The following KCNJ12 variants were observed in gnomAD, a reference collection of about 807,000 sequenced individuals.
KCNJ12 encodes ATP-sensitive inward rectifier potassium channel 12.
Under a neutral mutation model 22.3 loss-of-function variants are expected in KCNJ12, and 2 were observed. The observed-to-expected ratio is 0.09, with a 90% confidence interval of 0.04 to 0.28. KCNJ12 has a LOEUF of 0.28. KCNJ12 is among the 10% of genes least tolerant of loss of function. KCNJ12 has a pLI of 1.00. For synonymous variants in KCNJ12, 117 were observed against 261.4 expected (o/e 0.45, Z 5.33); for missense variants, 155 against 633.3 (o/e 0.24, Z 8.11).
At position 21,394,894 on chromosome 17, in the gene KCNJ12, G is replaced by C. The variant is rs550424907; in HGVS notation, c.-178-13625G>C. 9.8e-5 allele frequency among the ~76,000 whole-genome samples: 15 copies of C among 152,290 alleles called. No individual in the cohort carries two copies. The South Asian group carries it at 2.1e-3, about 21-fold the overall frequency. On this transcript the variant is annotated intron_variant, in intron 1 of 2. Transcript: ENST00000583088. ...AGGCCCTGCTGGGGCCACAGCAAAC[G>C]GGTCCCTGGAAGTGCTGAGGGACCC...
At chr17:21,382,936 C>T (rs1257696178) in intron 1 of KCNJ12, among the ~76,000 whole-genome samples, 3 of 152,204 alleles carry the variant, frequency 2.0e-5, no homozygotes, top group Non-Finnish European at 4.4e-5. Context: ...ACTGTGGGAG[C>T]GGGCAGCCTG....
At chr17:21,382,854 C>T (rs1032144666) in intron 1 of KCNJ12, among the ~76,000 whole-genome samples, 4 of 152,200 alleles carry the variant, frequency 2.6e-5, no homozygotes, top group South Asian at 2.1e-4. Flanking sequence ...TGAGGACTGG[C>T]AGCAGGGATA....
At chr17:21,408,373 G>A (rs1240438105) in intron 1 of KCNJ12, 146 bp from the exon 2 acceptor site, 5 of 152,406 alleles carry the variant, frequency 3.3e-5, no homozygotes, top group Non-Finnish European at 7.3e-5. Flanking sequence ...GGCATCAAAG[G>A]TGCAGGCCAG....
chr17:21,388,392 G>T (rs533745238), intron 1 of KCNJ12, among the ~76,000 whole-genome samples: 1 of 152,302 alleles, frequency 6.6e-6, no homozygotes, highest in South Asian at 2.1e-4. Context: ...CCAGAGGGAG[G>T]GGTTGGGCTC....
chr17:21,390,198 C>G (rs997594327), intron 1 of KCNJ12, among the ~76,000 whole-genome samples: 4 of 152,214 alleles, frequency 2.6e-5, no homozygotes, highest in Non-Finnish European at 4.4e-5. Flanking sequence ...TCACCCCTCA[C>G]CCACAGGGCC....
At chr17:21,408,215 T>G (rs1906098149) in intron 1 of KCNJ12, among the ~76,000 whole-genome samples, 1 of 152,292 alleles carries the variant, frequency 6.6e-6, no homozygotes, top group African/African-American at 2.4e-5. Flanking sequence ...ATTGTGAGGA[T>G]TATGTGAGAT....
At chr17:21,393,907 T>C (rs1905270002) in intron 1 of KCNJ12, among the ~76,000 whole-genome samples, 1 of 152,204 alleles carries the variant, frequency 6.6e-6, no homozygotes, top group Admixed American at 6.5e-5. Context: ...GTGGCCTGTC[T>C]AAGTTTGGGG....
chr17:21,387,113 G>A (rs968887905), intron 1 of KCNJ12, among the ~76,000 whole-genome samples: 9 of 151,952 alleles, frequency 5.9e-5, no homozygotes, highest in Non-Finnish European at 1.5e-5. Context: ...CGGAGATCGC[G>A]CCACTGCATT....
chr17:21,408,825 C>G (rs1446866562), intron 2 of KCNJ12, among the ~76,000 whole-genome samples, 185 bp downstream of exon 2: 1 of 152,420 alleles, frequency 6.6e-6, no homozygotes, highest in East Asian at 1.9e-4. Flanking sequence ...ATCCCCTCGC[C>G]CATGCCATCC....
intron 1 of KCNJ12, among the ~76,000 whole-genome samples, chr17:21,407,281 C>T (rs1166061094): frequency 1.3e-5 from 2 of 152,298 alleles, no homozygotes; most frequent in Non-Finnish European, 2.9e-5. Flanking sequence ...TCTACCCACC[C>T]ATACACTCAT....
At chr17:21,393,121 C>T (rs1186392381) in intron 1 of KCNJ12, among the ~76,000 whole-genome samples, 2 of 152,188 alleles carry the variant, frequency 1.3e-5, no homozygotes, top group Non-Finnish European at 2.9e-5. Flanking sequence ...CCTTGCCCTC[C>T]CCTGCCCTCC....
chr17:21,396,598 G>A (rs1261515370), intron 1 of KCNJ12, among the ~76,000 whole-genome samples: 1 of 152,170 alleles, frequency 6.6e-6, no homozygotes, highest in Non-Finnish European at 1.5e-5. Flanking sequence ...TGGGATGCCC[G>A]GTGTGGGTAT....
At chr17:21,409,979 T>A (rs1906225538) in intron 2 of KCNJ12, among the ~76,000 whole-genome samples, 3 of 151,780 alleles carry the variant, frequency 2.0e-5, no homozygotes, top group Admixed American at 2.0e-4. Context: ...GTGTAAGAGG[T>A]CATCATCTTC....
Position 21,416,878 on chromosome 17 carries a change from C to G in KCNJ12, c.*234C>G. Reference sequence around the variant, plus strand: ...TCACAGGCTCAGGGCAAAGAAGTGGCCTCCTGGGGGGCCAGGCCACGAGGG... The same window carrying G: ...TCACAGGCTCAGGGCAAAGAAGTGGGCTCCTGGGGGGCCAGGCCACGAGGG... On this transcript the variant is annotated 3_prime_UTR_variant, in exon 3 of 3. Transcript: ENST00000583088. 1 of 633,586 alleles carries G rather than the reference C, an allele frequency of 1.6e-6. No homozygotes were observed. The highest frequency in any genetic ancestry group is 2.7e-6 in the Non-Finnish European group (1 of 369,586). The allele number at this position is 633,586 out of a possible 1,614,324, so 39.2% of individuals were successfully genotyped here. A position where few individuals can be genotyped will look rare whatever the true frequency, so the allele number is the denominator to read the frequency against.
intron 1 of KCNJ12, among the ~76,000 whole-genome samples, chr17:21,393,073 A>G (rs1483630804): frequency 6.6e-6 from 1 of 152,016 alleles, no homozygotes; most frequent in African/African-American, 2.4e-5. Flanking sequence ...CTGGAATTTT[A>G]AGTCCATGTG....
chr17:21,378,803 C>G (rs1471337374), intron 1 of KCNJ12, among the ~76,000 whole-genome samples: 13 of 152,078 alleles, frequency 8.5e-5, no homozygotes, highest in African/African-American at 3.1e-4. Flanking sequence ...GGGGCAGGAC[C>G]TGAGCTGTCA....
intron 1 of KCNJ12, among the ~76,000 whole-genome samples, chr17:21,403,791 G>C (rs1905770722): frequency 6.6e-6 from 1 of 152,306 alleles, no homozygotes; most frequent in South Asian, 2.1e-4. Context: ...AACCACATGA[G>C]ATAGGTGCTA....
Position 21,418,195 on chromosome 17 carries a change from A to G in KCNJ12, c.*1551A>G. 1 of 167,130 alleles carries G rather than the reference A, an allele frequency of 6.0e-6. No individual in the cohort carries two copies. The allele number at this position is 167,130 out of a possible 1,614,324, so 10.4% of individuals were successfully genotyped here. ...TCCATGGTAGAGCCAGGCCCTTCCC[A>G]GGGCTGCGGAGAAAACCTGCTCTCT... On this transcript the variant is annotated 3_prime_UTR_variant, in exon 3 of 3. Transcript: ENST00000583088.
chr17:21,402,760 C>T (rs1905699778), intron 1 of KCNJ12, among the ~76,000 whole-genome samples: 1 of 152,312 alleles, frequency 6.6e-6, no homozygotes, highest in African/African-American at 2.4e-5. Flanking sequence ...GGGCTGAGGC[C>T]CTAATCCTGG....
Sources: gnomAD v4.1 joint callset for allele counts (sites outside exome capture counted in the v4.1 genomes callset) on GRCh38, gnomAD v4.1.1 for gene constraint, MANE v1.5 for transcripts, NCBI Gene and HGNC (gene_info 2026-07-23, HGNC 2026-07-21) for gene names.